Variants in PTPRG observed in about 807,000 individuals in gnomAD.
The protein encoded by PTPRG is receptor-type tyrosine-protein phosphatase gamma.
PTPRG carries 102 observed loss-of-function variants against 165.3 expected under a neutral mutation model. That is an observed-to-expected ratio of 0.62 (90% confidence interval 0.53 to 0.73). The LOEUF (loss-of-function observed/expected upper bound fraction) is 0.73, where lower values mean the gene tolerates loss of function less well. Ranked by LOEUF, PTPRG falls within the 30% of genes least tolerant of loss-of-function variation. The pLI, the probability that PTPRG is intolerant of heterozygous loss-of-function variation, is 0.00. For synonymous variants in PTPRG, 675 were observed against 669.5 expected, an observed-to-expected ratio of 1.01 and a Z score of -0.13; for missense variants, 1,866 against 1,861.4, an observed-to-expected ratio of 1.00 and a Z score of -0.05.
chr3:62,279,862 A>G (rs1342011458), intron 26 of PTPRG, among the ~76,000 whole-genome samples: 3 of 152,076 alleles, frequency 2.0e-5, no homozygotes, highest in Non-Finnish European at 2.9e-5. Flanking sequence ...CTTCAATGAT[A>G]GTAGCTAGGC....
intron 1 of PTPRG, among the ~76,000 whole-genome samples, chr3:61,681,492 A>G (rs1407668330): frequency 1.3e-5 from 2 of 152,234 alleles, no homozygotes; most frequent in Non-Finnish European, 2.9e-5. Flanking sequence ...ACTGCCTGCT[A>G]GGACCAGCAT....
intron 4 of PTPRG, among the ~76,000 whole-genome samples, chr3:62,032,902 G>T (rs1699815393): frequency 1.3e-5 from 2 of 152,146 alleles, no homozygotes; most frequent in Admixed American, 1.3e-4. Context: ...GAATCAGATG[G>T]CAGAATTTGC....
chr3:62,171,768 G>C (rs117729471), intron 8 of PTPRG, among the ~76,000 whole-genome samples: 68 of 151,490 alleles, frequency 4.5e-4, no homozygotes, highest in Admixed American at 4.4e-3. Context: ...TTCTTTTAAC[G>C]TGTACACATC....
At chr3:62,121,450 T>A (rs1359067183) in intron 5 of PTPRG, among the ~76,000 whole-genome samples, 1 of 152,212 alleles carries the variant, frequency 6.6e-6, no homozygotes, top group Non-Finnish European at 1.5e-5. Context: ...TTCCCATGAC[T>A]ATACAGCTGC....
intron 2 of PTPRG, among the ~76,000 whole-genome samples, chr3:61,891,951 GTAAA>G (rs1439793392): frequency 1.3e-5 from 2 of 151,208 alleles, no homozygotes; most frequent in East Asian, 1.9e-4. Context: ...TGCATTTTCA[GTAAA>G]TAAATTTAAT....
At chr3:61,752,801 A>AAAAAAAAAAT (rs67532140) in intron 2 of PTPRG, among the ~76,000 whole-genome samples, 1 of 120,978 alleles carries the variant, frequency 8.3e-6, no homozygotes, top group Non-Finnish European at 1.8e-5. Flanking sequence ...AAAAAAAAAA[A>AAAAAAAAAAT]GAAAAAAAAA....
intron 1 of PTPRG, among the ~76,000 whole-genome samples, chr3:61,627,930 C>A (rs1701657259): frequency 6.6e-6 from 1 of 152,152 alleles, no homozygotes; most frequent in Non-Finnish European, 1.5e-5. Flanking sequence ...AAAGGAAAAT[C>A]TTTCTGCCCT....
chr3:62,135,897 C>G (rs912742311), intron 6 of PTPRG, among the ~76,000 whole-genome samples: 5 of 152,134 alleles, frequency 3.3e-5, no homozygotes. Context: ...CCTGTGTTGG[C>G]AGGAATGGCC....
chr3:61,725,705 C>T (rs2032229086), intron 1 of PTPRG, among the ~76,000 whole-genome samples: 1 of 142,280 alleles, frequency 7.0e-6, no homozygotes, highest in South Asian at 2.3e-4. Flanking sequence ...CACCACTACC[C>T]CCACCTTTTT....
rs906718482 is a variant in PTPRG at position 62,213,448 on chromosome 3, T to C, written c.2156-5403T>C. On this transcript the variant is annotated intron_variant, in intron 12 of 29. Transcript: ENST00000474889. This position sits in a 1 kb window ranked among gnomAD's most constrained non-coding sequence, Gnocchi z 4.4. ...TCATTTTGCATTTGGTCCTATAAGT[T>C]ACATAGCCATAACTTACATAGTCTG... 1.3e-5 allele frequency among the ~76,000 whole-genome samples: 2 copies of C among 152,198 alleles called. No homozygotes were observed. Among genetic ancestry groups the C allele is most frequent in the African/African-American group, 4.8e-5 (2 of 41,446 alleles).
intron 5 of PTPRG, among the ~76,000 whole-genome samples, chr3:62,092,639 C>T (rs1022660300): frequency 6.6e-6 from 1 of 151,296 alleles, no homozygotes; most frequent in African/African-American, 2.4e-5. Context: ...GTCAAGTACA[C>T]TTAACCTTTC....
chr3:62,200,269 TTTTA>T (rs1033318377), intron 10 of PTPRG, among the ~76,000 whole-genome samples: 2 of 152,012 alleles, frequency 1.3e-5, no homozygotes, highest in Non-Finnish European at 2.9e-5. Flanking sequence ...TTTATTTTAT[TTTTA>T]TTTATTTATT....
At chr3:62,164,960 T>A (rs1347539727) in intron 7 of PTPRG, among the ~76,000 whole-genome samples, 1 of 152,182 alleles carries the variant, frequency 6.6e-6, no homozygotes, top group East Asian at 1.9e-4. Flanking sequence ...TCCAGAAAAT[T>A]TCCGGTCTAA....
chr3:62,236,206 G>A (rs1701030417), intron 14 of PTPRG, among the ~76,000 whole-genome samples: 1 of 152,190 alleles, frequency 6.6e-6, no homozygotes, highest in Admixed American at 6.5e-5. Flanking sequence ...TTTCCAAGTG[G>A]AATCCCGGAG....
rs1196169360 is a variant in PTPRG at position 62,233,918 on chromosome 3, TA to T, written c.2375+2611del. ...TGACATGATTCAAAATAAAAAAGTTTAAAATTATATGCACCACTAAATTACC... is the reference window on the plus strand; with the variant it reads ...TGACATGATTCAAAATAAAAAAGTTTAAATTATATGCACCACTAAATTACC... On this transcript the variant is annotated intron_variant, in intron 14 of 29. Coordinates refer to ENST00000474889, the MANE Select transcript of PTPRG (RefSeq NM_002841.4). The surrounding 1 kb of genome is among the most constrained non-coding windows in gnomAD (Gnocchi z 4.7). 6.6e-6 allele frequency among the ~76,000 whole-genome samples: 1 copy of T among 152,204 alleles called. No individual in the cohort carries two copies. The highest frequency in any genetic ancestry group is 1.5e-5 in the Non-Finnish European group (1 of 68,042).
intron 7 of PTPRG, among the ~76,000 whole-genome samples, chr3:62,159,764 A>G (rs1429580296): frequency 6.6e-6 from 1 of 152,226 alleles, no homozygotes; most frequent in African/African-American, 2.4e-5. Context: ...AAACCGTCTT[A>G]AGATAATACT....
chr3:62,276,100 G>T, intron 24 of PTPRG, 134 bp downstream of exon 24: 1 of 539,812 alleles, frequency 1.9e-6, no homozygotes. Context: ...AGAAGGTTTT[G>T]AAAATGTCCT....
intron 1 of PTPRG, among the ~76,000 whole-genome samples, chr3:61,723,761 G>A (rs1015383741): frequency 3.9e-5 from 6 of 152,096 alleles, no homozygotes; most frequent in Non-Finnish European, 7.4e-5. Context: ...TTTGTAGGTC[G>A]TGGACATTTT....
At chr3:61,687,478 C>T (rs942963853) in intron 1 of PTPRG, among the ~76,000 whole-genome samples, 7 of 152,222 alleles carry the variant, frequency 4.6e-5, no homozygotes, top group African/African-American at 1.7e-4. Flanking sequence ...ATTAAGAGAC[C>T]TGGCCTGACT....
Sources: gnomAD v4.1 joint callset for allele counts (sites outside exome capture counted in the v4.1 genomes callset) on GRCh38, gnomAD v4.1.1 for gene constraint, Gnocchi (gnomAD v3.1) non-coding constraint, MANE v1.5 for transcripts, NCBI Gene and HGNC (gene_info 2026-07-23, HGNC 2026-07-21) for gene names.